MELK: variants seen among roughly 807,000 people sequenced by gnomAD.
The protein encoded by MELK is pEg3 kinase.
A neutral mutation model predicts 85.0 loss-of-function variants in MELK; 81 were observed. The observed-to-expected ratio is 0.95, with a 90% CI of 0.80 to 1.15. MELK has a LOEUF of 1.15. Among genes scored for constraint, MELK ranks in the 50% most tolerant of loss-of-function variants. MELK has a pLI of 0.00. For missense variants in MELK, 754 were observed against 777.5 expected (o/e 0.97, Z 0.36); for synonymous variants, 252 against 265.0 (o/e 0.95, Z 0.48).
rs60212848 is a variant in MELK, at chr9:36,616,387, C to CTTTTTTTTTTTTTTTT, written c.666+8719_666+8734dup. 9.2e-3 allele frequency among the ~76,000 whole-genome samples: 1,055 copies of CTTTTTTTTTTTTTTTT among 114,432 alleles called. 36 individuals carry two copies. The highest frequency in any genetic ancestry group is 0.013 in the East Asian group (50 of 3,970). 75.1% of individuals were successfully genotyped at this position (114,432 alleles called of 152,430 possible). A position where few individuals can be genotyped will look rare whatever the true frequency, so the allele number is the denominator to read the frequency against. On this transcript the variant is annotated intron_variant, in intron 8 of 17. Transcript: ENST00000298048. ...TTAAAGGTATCTAGCATGTCAAACT[C>CTTTTTTTTTTTTTTTT]TTTTTTTTTTTTTTTTTTTTAAGGC... is the stretch of plus-strand genomic sequence containing the variant.
At chr9:36,649,629 C>T (rs990312616) in intron 11 of MELK, among the ~76,000 whole-genome samples, 16 of 151,112 alleles carry the variant, frequency 1.1e-4, no homozygotes, top group Admixed American at 7.9e-4. Flanking sequence ...ATTAGCCAGG[C>T]GTGGTGGCAT....
intron 6 of MELK, 79 bp downstream of exon 6, chr9:36,597,369 A>G: frequency 7.7e-7 from 1 of 1,300,076 alleles, no homozygotes; most frequent in Non-Finnish European, 1.1e-6. Context: ...CCTGACTTCC[A>G]CTTATTCTTT....
chr9:36,657,324 T>C lies in MELK; in HGVS notation c.1137T>C (p.Asp379=), dbSNP rs1038842179. 2 of 1,613,288 alleles carry C rather than the reference T, an allele frequency of 1.2e-6. No individual in the cohort carries two copies. The highest frequency in any genetic ancestry group is 1.7e-6 in the Non-Finnish European group (2 of 1,179,858). Residue 379 remains aspartate, a synonymous_variant, in exon 13 of 18, where the codon GAT becomes GAC. Coordinates refer to ENST00000298048, the MANE Select transcript of MELK (RefSeq NM_014791.4). Reference sequence around the variant, plus strand: ...TAATAGACTATGATTGGTGTGAAGATGATTTATCAACAGGTGCTGCTACTC... The same window carrying C: ...TAATAGACTATGATTGGTGTGAAGACGATTTATCAACAGGTGCTGCTACTC... ...AGLIDYDWCE[D]DLSTGAATPR... is the part of the protein sequence containing the mutation.
At chr9:36,653,705 G>A (rs924361483) in intron 12 of MELK, among the ~76,000 whole-genome samples, 1 of 151,932 alleles carries the variant, frequency 6.6e-6, no homozygotes, top group Non-Finnish European at 1.5e-5. Context: ...GGTTGGCCCT[G>A]TTTATGAAAT....
Position 36,583,636 on chromosome 9 carries a change from C to T in MELK, c.68C>T (p.Ala23Val). 1 of 1,608,184 alleles carries T rather than the reference C, an allele frequency of 6.2e-7. No individual in the cohort carries two copies. Residue 23 changes from alanine to valine, a missense_variant, in exon 3 of 18, where the codon GCA (alanine) becomes GTA (valine). Physicochemically the swap from Ala to Val is moderately conservative, Grantham distance 64 (BLOSUM62 0). Coordinates refer to ENST00000298048, the MANE Select transcript of MELK (RefSeq NM_014791.4). ...LHETIGTGGFAKVKLACHILT... is the reference protein window; with the variant it reads ...LHETIGTGGFVKVKLACHILT... Reference sequence around the variant, plus strand: ...ACATTTTCCTACTTAGGTGGCTTTGCAAAGGTCAAACTTGCCTGCCATATC... The same window carrying T: ...ACATTTTCCTACTTAGGTGGCTTTGTAAAGGTCAAACTTGCCTGCCATATC...
Position 36,665,504 on chromosome 9 carries a change from CAA to C in MELK, c.1333_1334del (p.Lys445AspfsTer4). On this transcript the variant is annotated frameshift_variant, in exon 14 of 18. Coordinates refer to ENST00000298048, the MANE Select transcript of MELK (RefSeq NM_014791.4). LOFTEE classifies it high-confidence loss of function. ...GAAGAGTACTTTATGTTTCCTGAGC[CAA>C]AGACTCCAGTTAATAAGAACCAGCA... 2 of 1,613,786 alleles carry C rather than the reference CAA, an allele frequency of 1.2e-6. No individual in the cohort carries two copies. The highest frequency in any genetic ancestry group is 4.5e-5 in the East Asian group (2 of 44,796).
chr9:36,624,104 G>A (rs1313774549), intron 8 of MELK, among the ~76,000 whole-genome samples: 1 of 136,886 alleles, frequency 7.3e-6, no homozygotes, highest in Admixed American at 7.4e-5. Context: ...TTTTTTTTGA[G>A]ATGGAGTCTC....
intron 13 of MELK, among the ~76,000 whole-genome samples, chr9:36,664,141 T>C (rs1161365493): frequency 6.6e-6 from 1 of 152,210 alleles, no homozygotes; most frequent in East Asian, 1.9e-4. Flanking sequence ...ATTTTTATCA[T>C]GTTTTTATTT....
chr9:36,580,231 T>G (rs1236289308), intron 1 of MELK, among the ~76,000 whole-genome samples: 1 of 151,950 alleles, frequency 6.6e-6, no homozygotes, highest in Non-Finnish European at 1.5e-5. Flanking sequence ...GGTTTTATGA[T>G]GTTAGCCACA....
At chr9:36,609,968 TG>T (rs1259015777) in intron 8 of MELK, among the ~76,000 whole-genome samples, 1 of 152,048 alleles carries the variant, frequency 6.6e-6, no homozygotes, top group Non-Finnish European at 1.5e-5. Flanking sequence ...ATACAGGAGT[TG>T]GGGTGGCTCT....
intron 12 of MELK, among the ~76,000 whole-genome samples, chr9:36,652,729 C>CAAAAAAAAAAAAAA (rs745699767): frequency 1.1e-5 from 1 of 95,068 alleles, no homozygotes; most frequent in Non-Finnish European, 2.1e-5. Flanking sequence ...GACTCTGTCT[C>CAAAAAAAAAAAAAA]AAAAAAAAAA....
At chr9:36,600,538 C>A (rs1043409863) in intron 7 of MELK, among the ~76,000 whole-genome samples, 3 of 152,188 alleles carry the variant, frequency 2.0e-5, no homozygotes, top group African/African-American at 7.2e-5. Context: ...CGTCCGCCAC[C>A]ACGCCTGGCT....
In MELK at chr9:36,669,418, G is replaced by C; in HGVS notation, c.1505+12G>C. ...AGCCCTGAGAGGCGGTAAGTGTTTG[G>C]TTTTTTTAGACTCTAATCTTTAGTA... On this transcript the variant is annotated intron_variant, in intron 15 of 17. Coordinates refer to ENST00000298048, the MANE Select transcript of MELK (RefSeq NM_014791.4). 1.3e-6 allele frequency: 2 copies of C among 1,559,752 alleles called. No individual in the cohort carries two copies. The highest frequency in any genetic ancestry group is 1.7e-6 in the Non-Finnish European group (2 of 1,147,254).
At chr9:36,619,294 G>A (rs1295672407) in intron 8 of MELK, among the ~76,000 whole-genome samples, 1 of 152,162 alleles carries the variant, frequency 6.6e-6, no homozygotes. Context: ...CCCTTGATAA[G>A]TATAATACCT....
intron 8 of MELK, among the ~76,000 whole-genome samples, chr9:36,622,716 T>C (rs945078760): frequency 1.3e-5 from 2 of 152,302 alleles, no homozygotes; most frequent in Admixed American, 1.3e-4. Context: ...TTAAGGAAAA[T>C]GAGCAAGTTG....
At chr9:36,576,292 G>A (rs978877482) in intron 1 of MELK, among the ~76,000 whole-genome samples, 12 of 152,110 alleles carry the variant, frequency 7.9e-5, no homozygotes, top group African/African-American at 2.7e-4. Flanking sequence ...TGCAGATTTC[G>A]TTAGGTTAAA....
At chr9:36,671,406 G>A (rs1832876107) in intron 16 of MELK, among the ~76,000 whole-genome samples, 5 of 152,184 alleles carry the variant, frequency 3.3e-5, no homozygotes, top group Admixed American at 3.3e-4. Context: ...CAGGTGGAGG[G>A]ATTAGTCACA....
At position 36,608,417 on chromosome 9, in the gene MELK, G is replaced by GTATATA. The variant is rs543732493; in HGVS notation, c.666+756_666+761dup. On this transcript the variant is annotated intron_variant, in intron 8 of 17. Transcript: ENST00000298048. ...ATAAATTAAACTTTATCAAACTTGT[G>GTATATA]TATATATATATATATATGGAAAGAA... is the stretch of plus-strand genomic sequence containing the variant. 3.1e-4 allele frequency among the ~76,000 whole-genome samples: 46 copies of GTATATA among 148,078 alleles called. No individual in the cohort carries two copies. In the East Asian group the frequency reaches 6.9e-3, roughly 22 times the overall value.
intron 13 of MELK, among the ~76,000 whole-genome samples, chr9:36,662,238 T>G (rs1831914287): frequency 6.6e-6 from 1 of 151,276 alleles, no homozygotes; most frequent in Non-Finnish European, 1.5e-5. Context: ...AAAGTGAATC[T>G]GTATCTTTTT....
Sources: gnomAD v4.1 joint callset for allele counts (sites outside exome capture counted in the v4.1 genomes callset) on GRCh38, gnomAD v4.1.1 for gene constraint, MANE v1.5 for transcripts, NCBI Gene and HGNC (gene_info 2026-07-23, HGNC 2026-07-21) for gene names.